Variants in OTOA observed in about 807,000 individuals in gnomAD.
OTOA encodes the protein cancer/testis antigen 108.
In OTOA, 70 loss-of-function variants were observed where a neutral mutation model predicts 110.8. That is an observed-to-expected ratio of 0.63 (90% CI 0.52 to 0.77). The LOEUF (loss-of-function observed/expected upper bound fraction) is 0.77, where lower values mean the gene tolerates loss of function less well. Ranked by LOEUF, OTOA falls within the 30% of genes least tolerant of loss-of-function variation. The pLI, the probability that OTOA is intolerant of heterozygous loss-of-function variation, is 0.00. For synonymous variants in OTOA, 373 were observed against 431.5 expected, an observed-to-expected ratio of 0.86 and a Z score of 1.68; for missense variants, 917 against 1,075.8, an observed-to-expected ratio of 0.85 and a Z score of 2.06.
intron 7 of OTOA, 22 bp from the exon 8 acceptor site, chr16:21,687,391 C>G (rs1485967777): frequency 6.2e-7 from 1 of 1,609,454 alleles, no homozygotes; most frequent in Non-Finnish European, 8.5e-7. Context: ...CAAACTGACC[C>G]TGGCTTCTGT....
chr16:21,705,017 G>T, intron 11 of OTOA, 152 bp from the exon 12 acceptor site: 3 of 1,247,908 alleles, frequency 2.4e-6, no homozygotes, highest in South Asian at 1.2e-5. Context: ...TTGCACATTT[G>T]GTTCATCTGA....
intron 8 of OTOA, among the ~76,000 whole-genome samples, chr16:21,688,136 T>A (rs916820434): frequency 6.6e-6 from 1 of 151,970 alleles, no homozygotes; most frequent in Admixed American, 6.6e-5. Context: ...ACACCTGTGA[T>A]CCCAGCACTT....
At chr16:21,725,421 AC>A (rs1056877445) in intron 18 of OTOA, among the ~76,000 whole-genome samples, 1 of 151,448 alleles carries the variant, frequency 6.6e-6, no homozygotes, top group Non-Finnish European at 1.5e-5. Flanking sequence ...AGTAGTTGAA[AC>A]CCCAGGTGTG....
At chr16:21,678,629 C>G in intron 2 of OTOA, 24 bp downstream of exon 2, 5 of 1,593,598 alleles carry the variant, frequency 3.1e-6, no homozygotes, top group Non-Finnish European at 4.3e-6. Context: ...GAAGAATCAC[C>G]CTTTGTGGTT....
intron 15 of OTOA, among the ~76,000 whole-genome samples, chr16:21,718,518 T>G (rs534629268): frequency 7.2e-5 from 11 of 152,304 alleles, no homozygotes; most frequent in Non-Finnish European, 1.5e-4. Context: ...TCATAATTTA[T>G]TCTGTCTGGG....
intron 17 of OTOA, chr16:21,721,502 G>A (rs759713531): frequency 3.1e-5 from 14 of 455,948 alleles, no homozygotes; most frequent in African/African-American, 1.8e-4. Flanking sequence ...GAGGTACCTG[G>A]TCGAAAATGT....
chr16:21,669,613 T>G (rs767005002), intron 1 of OTOA, among the ~76,000 whole-genome samples: 1 of 152,164 alleles, frequency 6.6e-6, no homozygotes, highest in African/African-American at 2.4e-5. Context: ...GCCAAATCCT[T>G]GGCGTTGTCT....
chr16:21,680,237 G>A (rs996866032), intron 5 of OTOA, among the ~76,000 whole-genome samples: 5 of 150,362 alleles, frequency 3.3e-5, no homozygotes, highest in Admixed American at 3.3e-4. Context: ...TTACAGGCCG[G>A]GCGCGGTGGC....
At chr16:21,722,169 G>A (rs981684469) in intron 17 of OTOA, among the ~76,000 whole-genome samples, 1 of 150,608 alleles carries the variant, frequency 6.6e-6, no homozygotes, top group Admixed American at 6.6e-5. Context: ...GGCTGACGCA[G>A]GAGAACTGCT....
At chr16:21,692,612 C>T (rs1032684651) in intron 9 of OTOA, among the ~76,000 whole-genome samples, 1 of 151,884 alleles carries the variant, frequency 6.6e-6, no homozygotes, top group Non-Finnish European at 1.5e-5. Flanking sequence ...TACTTACTCC[C>T]GCTCAACTCT....
intron 15 of OTOA, among the ~76,000 whole-genome samples, chr16:21,717,778 AGT>A (rs1898603172): frequency 6.6e-6 from 1 of 152,114 alleles, no homozygotes; most frequent in South Asian, 2.1e-4. Context: ...ACAGCCCAAC[AGT>A]GCGCCAGGCA....
chr16:21,716,225 T>C (rs1358429484), intron 14 of OTOA, among the ~76,000 whole-genome samples: 1 of 152,040 alleles, frequency 6.6e-6, no homozygotes, highest in Non-Finnish European at 1.5e-5. Flanking sequence ...CAGGGAGTCT[T>C]TTGACATCTT....
At position 21,728,292 on chromosome 16, in the gene OTOA, T is replaced by A. The variant is rs1419590320; in HGVS notation, c.2068T>A (p.Cys690Ser). ...TGTGGACATCATGGGGAACCTGCTGTGTCACTTGCCGGCAGCCATCATCGA... is the reference window on the plus strand; with the variant it reads ...TGTGGACATCATGGGGAACCTGCTGAGTCACTTGCCGGCAGCCATCATCGA... Reference protein sequence around the residue: ...YTVDIMGNLLCHLPAAIIDRG... With the variant: ...YTVDIMGNLLSHLPAAIIDRG... The change falls in exon 20 of 29, where the codon TGT becomes AGT. Residue 690 changes from cysteine to serine, a missense_variant. Cys to Ser is a moderately radical substitution (Grantham distance 112). This residue lies in a region of OTOA where 840 missense variants were observed against 910.2 expected (regional missense o/e 0.92). Transcript: ENST00000646100. The A allele has an allele frequency of 6.2e-7, 1 of 1,614,160 alleles. No individual in the cohort carries two copies. Among genetic ancestry groups the A allele is most frequent in the Admixed American group, 1.7e-5 (1 of 60,026 alleles).
In OTOA at chr16:21,719,174, G is replaced by T. The variant is rs1898647320; in HGVS notation, c.1671G>T (p.Arg557Ser). The part of the protein sequence containing the change: ...LYELLLKTTR[R>S]PEELLSAGQL... ...AGCTTCTGTTAAAGACCACCAGAAGGCCTGAGGAGCTTTTGAGGTAGGAAA... is the reference window on the plus strand; with the variant it reads ...AGCTTCTGTTAAAGACCACCAGAAGTCCTGAGGAGCTTTTGAGGTAGGAAA... Residue 557 changes from arginine to serine, a missense_variant, in exon 16 of 29, where the codon AGG (arginine) becomes AGT (serine). Arg to Ser is a moderately radical substitution (Grantham distance 110). Transcript: ENST00000646100. 6.2e-7 allele frequency: 1 copy of T among 1,613,970 alleles called. No individual in the cohort carries two copies. The highest frequency in any genetic ancestry group is 1.7e-5 in the Admixed American group (1 of 60,000).
rs200248155 is a variant in OTOA at position 21,687,427 on chromosome 16, C to A, written c.414C>A (p.Ile138=). 4 of 1,614,028 alleles carry A rather than the reference C, an allele frequency of 2.5e-6. No homozygotes were observed. The highest frequency in any genetic ancestry group is 3.4e-6 in the Non-Finnish European group (4 of 1,179,974). The change falls in exon 8 of 29, where the codon ATC becomes ATA. Residue 138 remains isoleucine, a synonymous_variant. Coordinates refer to ENST00000646100, the MANE Select transcript of OTOA (RefSeq NM_144672.4). ...DKKDGLDLKD[I]IIDLGEIRER... is the part of the protein sequence containing the mutation. ...CATTGCTTTAGGACCTGAAAGACAT[C>A]ATCATCGACTTAGGAGAGATTCGAG...
chr16:21,709,342 G>A (rs920517056), intron 12 of OTOA, among the ~76,000 whole-genome samples: 2 of 152,026 alleles, frequency 1.3e-5, no homozygotes, highest in East Asian at 1.9e-4. Context: ...CAGGAGAATC[G>A]CTTGAACCCG....
intron 2 of OTOA, 118 bp downstream of exon 2, chr16:21,678,723 T>A: frequency 8.8e-7 from 1 of 1,135,970 alleles, no homozygotes; most frequent in South Asian, 1.3e-5. Flanking sequence ...TGTGTGTGCA[T>A]GTATGATTTT....
At chr16:21,711,211 G>A (rs1239271363) in intron 13 of OTOA, among the ~76,000 whole-genome samples, 2 of 152,146 alleles carry the variant, frequency 1.3e-5, no homozygotes, top group Non-Finnish European at 2.9e-5. Context: ...GCTGCTATTA[G>A]GTTGATGCAA....
chr16:21,729,065 G>T (rs1465733990), intron 20 of OTOA, among the ~76,000 whole-genome samples: 4 of 151,252 alleles, frequency 2.6e-5, no homozygotes, highest in African/African-American at 9.7e-5. Context: ...ATGGGGTCTC[G>T]CTCTGTCACC....
Sources: gnomAD v4.1 joint callset for allele counts (sites outside exome capture counted in the v4.1 genomes callset) on GRCh38, gnomAD v4.1.1 for gene constraint, gnomAD v4.1.1 regional missense constraint, MANE v1.5 for transcripts, NCBI Gene and HGNC (gene_info 2026-07-23, HGNC 2026-07-21) for gene names.